SV2C: variants seen among roughly 807,000 people sequenced by gnomAD.
SV2C encodes synaptic vesicle glycoprotein 2C, also known as solute carrier family 22 member B3.
SV2C carries 49 observed loss-of-function variants against 79.7 expected under a neutral mutation model. The ratio of observed to expected loss-of-function variants is 0.61; its 90% CI spans 0.49 to 0.78. SV2C has a LOEUF of 0.78. Among genes scored for constraint, SV2C ranks in the 30% least tolerant of loss-of-function variants. The pLI is 0.00. For missense variants in SV2C, 833 were observed against 912.9 expected (o/e 0.91, Z 1.13); for synonymous variants, 334 against 333.2 (o/e 1.00, Z -0.03).
At chr5:75,883,855 C>A in the SV2C span, among the ~76,000 whole-genome samples, 185 of 134,282 alleles carry the variant, frequency 1.4e-3, no homozygotes, top group African/African-American at 4.3e-3. Context: ...AAAAAAAAAA[C>A]AAAAAAAAAA....
chr5:76,284,029 T>C (rs1039319241), intron 4 of SV2C, among the ~76,000 whole-genome samples: 2 of 152,258 alleles, frequency 1.3e-5, no homozygotes, highest in African/African-American at 4.8e-5. Flanking sequence ...AGCATTGCTA[T>C]AAATTAAAAT....
intron 4 of SV2C, among the ~76,000 whole-genome samples, chr5:76,270,774 TA>T (rs745474273): frequency 3.3e-5 from 5 of 150,762 alleles, no homozygotes; most frequent in East Asian, 1.9e-4. Flanking sequence ...TTATTTTTAT[TA>T]TTTTTTTTTT....
At chr5:75,970,359 C>T in the SV2C span, among the ~76,000 whole-genome samples, 1 of 151,894 alleles carries the variant, frequency 6.6e-6, no homozygotes, top group African/African-American at 2.4e-5. Flanking sequence ...CATAAAAAAC[C>T]CTTCAAAAAA....
At chr5:76,109,314 A>G (rs1487659198) in intron 1 of SV2C, among the ~76,000 whole-genome samples, 3 of 152,190 alleles carry the variant, frequency 2.0e-5, no homozygotes, top group Admixed American at 1.3e-4. Flanking sequence ...GCCATTTACT[A>G]TGTCCAATGA....
chr5:76,163,676 T>C (rs1742961740), intron 2 of SV2C, among the ~76,000 whole-genome samples: 1 of 152,212 alleles, frequency 6.6e-6, no homozygotes, highest in African/African-American at 2.4e-5. Flanking sequence ...TCTTTTTCTT[T>C]TTCTCACACA....
chr5:75,928,130 G>A, the SV2C span, among the ~76,000 whole-genome samples: 6 of 152,150 alleles, frequency 3.9e-5, no homozygotes, highest in South Asian at 4.1e-4. Flanking sequence ...AACAGTTTAA[G>A]TGTATAATTC....
the SV2C span, among the ~76,000 whole-genome samples, chr5:75,956,097 G>GT: frequency 8.7e-4 from 123 of 141,010 alleles, 3 homozygotes; most frequent in South Asian, 0.028. Flanking sequence ...ACATGCACAC[G>GT]TATGTTTATT....
At chr5:76,014,659 C>T in the SV2C span, among the ~76,000 whole-genome samples, 51 of 152,180 alleles carry the variant, frequency 3.4e-4, no homozygotes, top group East Asian at 1.2e-3. Context: ...CACACATGTG[C>T]GCACACACAT....
chr5:76,225,704 A>G (rs982554709), intron 4 of SV2C, among the ~76,000 whole-genome samples: 2 of 152,200 alleles, frequency 1.3e-5, no homozygotes, highest in African/African-American at 4.8e-5. Context: ...TCTTAATGAG[A>G]TAACCAGCAT....
the SV2C span, among the ~76,000 whole-genome samples, chr5:75,875,855 C>G: frequency 2.0e-5 from 3 of 151,858 alleles, no homozygotes; most frequent in Non-Finnish European, 1.5e-5. Context: ...TAGATAAATG[C>G]AAATAAAAAC....
chr5:76,325,324 G>C (rs1037028302), intron 12 of SV2C, 40 bp from the exon 13 acceptor site: 26 of 1,599,012 alleles, frequency 1.6e-5, no homozygotes, highest in Admixed American at 1.4e-4. Context: ...ATCATGGGGA[G>C]GCATTTTCTC....
chr5:75,885,956 A>G, the SV2C span, among the ~76,000 whole-genome samples: 2 of 152,166 alleles, frequency 1.3e-5, no homozygotes, highest in South Asian at 2.1e-4. Context: ...GTACAGTCAA[A>G]CAAAAGCCTC....
Position 76,348,094 on chromosome 5 carries a change from C to T in SV2C, c.2001-5036C>T, listed in dbSNP as rs142047719. On this transcript the variant is annotated intron_variant, in intron 12 of 12. Transcript: ENST00000322285. Reference sequence around the variant, plus strand: ...ACTATTCATTCCTCTTTCAGCACCCCGTACCCCTGGCAACCACTGATCATT... The same window carrying T: ...ACTATTCATTCCTCTTTCAGCACCCTGTACCCCTGGCAACCACTGATCATT... 2.4e-4 allele frequency among the ~76,000 whole-genome samples: 36 copies of T among 152,286 alleles called. No homozygotes were observed. The East Asian group carries it at 4.2e-3, about 18-fold the overall frequency.
intron 2 of SV2C, among the ~76,000 whole-genome samples, chr5:76,179,108 T>C (rs1212222567): frequency 1.3e-5 from 2 of 152,220 alleles, no homozygotes; most frequent in African/African-American, 2.4e-5. Flanking sequence ...CAAGTTAGAA[T>C]GTGGGTGAGA....
chr5:76,034,644 G>A, the SV2C span, among the ~76,000 whole-genome samples: 1 of 152,124 alleles, frequency 6.6e-6, no homozygotes, highest in South Asian at 2.1e-4. Flanking sequence ...TGCTGGATTT[G>A]GTTTGCCAGT....
chr5:76,157,844 ATG>A (rs1405077264), intron 2 of SV2C, among the ~76,000 whole-genome samples: 1 of 151,852 alleles, frequency 6.6e-6, no homozygotes, highest in Non-Finnish European at 1.5e-5. Flanking sequence ...ATTAATAAGA[ATG>A]TACTATTGGG....
intron 4 of SV2C, among the ~76,000 whole-genome samples, chr5:76,256,792 A>G (rs1009698185): frequency 6.6e-6 from 1 of 152,246 alleles, no homozygotes; most frequent in African/African-American, 2.4e-5. Context: ...TTCCTTATAC[A>G]GACCTTCATA....
chr5:76,193,346 G>C (rs576122256), intron 2 of SV2C, among the ~76,000 whole-genome samples: 17 of 152,146 alleles, frequency 1.1e-4, no homozygotes, highest in Non-Finnish European at 1.9e-4. Context: ...GATGGTGATA[G>C]TCTAGGGGGC....
At chr5:76,296,806 A>G (rs1580043224) in intron 9 of SV2C, among the ~76,000 whole-genome samples, 2 of 152,328 alleles carry the variant, frequency 1.3e-5, no homozygotes, top group African/African-American at 4.8e-5. Flanking sequence ...GTTACTAACT[A>G]GGAGGTAATT....
Sources: allele counts gnomAD v4.1 joint callset (sites outside exome capture counted in the v4.1 genomes callset), GRCh38; gene constraint gnomAD v4.1.1; transcripts MANE v1.5; gene names NCBI Gene and HGNC (gene_info 2026-07-23, HGNC 2026-07-21).